PNMA1: variants seen among roughly 807,000 people sequenced by gnomAD.
PNMA1 encodes PNMA family member 1, also known as paraneoplastic antigen Ma1.
A neutral mutation model predicts 26.1 loss-of-function variants in PNMA1; 21 were observed. That is an observed-to-expected ratio of 0.80 (90% CI 0.57 to 1.16). The LOEUF (loss-of-function observed/expected upper bound fraction) is 1.16, where lower values mean the gene tolerates loss of function less well. PNMA1 is among the 50% of genes most tolerant of loss of function. PNMA1 has a pLI of 0.00. For missense variants in PNMA1, 435 were observed against 437.3 expected, an observed-to-expected ratio of 0.99 and a Z score of 0.05; for synonymous variants, 189 against 177.3, an observed-to-expected ratio of 1.07 and a Z score of -0.52.
chr14:73,713,579 G>C lies in PNMA1; in HGVS notation c.61C>G (p.Leu21Val), dbSNP rs768781355. ...RGMDVNSQRA[L>V]LVWGIPVNCD... is the part of the protein sequence containing the mutation. Reference sequence around the variant, plus strand: ...TTCACTGGGATGCCCCAGACTAACAGAGCTCTCTGGGAGTTCACATCCATC... The same window carrying C: ...TTCACTGGGATGCCCCAGACTAACACAGCTCTCTGGGAGTTCACATCCATC... The change falls in exon 1 of 1, where the codon CTG becomes GTG. Residue 21 changes from leucine (L) to valine (V), a missense_variant. Coordinates refer to ENST00000316836, the MANE Select transcript of PNMA1 (RefSeq NM_006029.5). 3 of 1,613,824 alleles carry C rather than the reference G, an allele frequency of 1.9e-6. No homozygotes were observed. Among genetic ancestry groups the C allele is most frequent in the Admixed American group, 3.3e-5 (2 of 59,994 alleles).
In PNMA1 at chr14:73,713,767, AACAAAG is replaced by A. The variant is rs900004323; in HGVS notation, c.-134_-129del. ...AGGCGACCTTCATGCAGTCACGATT[AACAAAG>A]ACAGAGTCCTGATCTCGCCCTTCTC... On this transcript the variant is annotated 5_prime_UTR_variant, in exon 1 of 1. Transcript: ENST00000316836. 7.1e-6 allele frequency: 6 copies of A among 840,044 alleles called. No homozygotes were observed. The highest frequency in any genetic ancestry group is 1.2e-5 in the Non-Finnish European group (6 of 521,562). The allele number at this position is 840,044 out of a possible 1,614,324, so 52.0% of individuals were successfully genotyped here.
In PNMA1 at chr14:73,713,378, A is replaced by G; in HGVS notation, c.262T>C (p.Trp88Arg). ...PREMPGKGGV[W>R]KVLFKPPTSD... The stretch of plus-strand genomic sequence containing the variant: ...GTTGGGGGCTTAAATAACACTTTCC[A>G]GACCCCTCCTTTGCCCGGCATCTCC... Residue 88 changes from tryptophan (W) to arginine (R), a missense_variant, in exon 1 of 1, where the codon TGG (tryptophan) becomes CGG (arginine). Trp to Arg is a moderately radical substitution (Grantham distance 101). Coordinates refer to ENST00000316836, the MANE Select transcript of PNMA1 (RefSeq NM_006029.5). The G allele has an allele frequency of 5.6e-6, 9 of 1,614,170 alleles. 1 individual carries two copies. The highest frequency in any genetic ancestry group is 2.2e-5 in the South Asian group (2 of 91,086).
Position 73,712,503 on chromosome 14 carries a change from A to T in PNMA1, c.*75T>A. On this transcript the variant is annotated 3_prime_UTR_variant, in exon 1 of 1. Coordinates refer to ENST00000316836, the MANE Select transcript of PNMA1 (RefSeq NM_006029.5). ...GGCTAAGCCTTTACTACTCAGAGAC[A>T]CATCTGTAAGACCCCACAGGGACAA... The T allele has an allele frequency of 9.9e-7, 1 of 1,006,062 alleles. No homozygotes were observed. Among genetic ancestry groups the T allele is most frequent in the Non-Finnish European group, 1.5e-6 (1 of 678,448 alleles). 62.3% of individuals were successfully genotyped at this position (1,006,062 alleles called of 1,614,324 possible).
rs762586976 is a variant in PNMA1 at position 73,713,042 on chromosome 14, G to T, written c.598C>A (p.Arg200=). 2 of 1,613,764 alleles carry T rather than the reference G, an allele frequency of 1.2e-6. No individual in the cohort carries two copies. The highest frequency in any genetic ancestry group is 1.7e-6 in the Non-Finnish European group (2 of 1,180,008). Residue 200 remains arginine (R), a synonymous_variant, in exon 1 of 1, where the codon CGG becomes AGG. Coordinates refer to ENST00000316836, the MANE Select transcript of PNMA1 (RefSeq NM_006029.5). ...EWQVSDVEKR[R]RLMESLRGPA... ...CCTCTAAGACTCTCCATCAACCGCC[G>T]CCTCTTTTCTACATCGGACACCTGC...
rs749401673 is a variant in PNMA1, at chr14:73,713,434, G to A, written c.206C>T (p.Thr69Ile). 8 of 1,614,206 alleles carry A rather than the reference G, an allele frequency of 5.0e-6. No individual in the cohort carries two copies. Among genetic ancestry groups the A allele is most frequent in the Non-Finnish European group, 6.8e-6 (8 of 1,180,036 alleles). Residue 69 changes from threonine (T) to isoleucine (I), a missense_variant, in exon 1 of 1, where the codon ACT becomes ATT. By Grantham distance (89) the Thr-to-Ile change is moderately conservative. Coordinates refer to ENST00000316836, the MANE Select transcript of PNMA1 (RefSeq NM_006029.5). ...ENAKAALLEL[T>I]GAVDYAAIPR... The stretch of plus-strand genomic sequence containing the variant: ...GATCGCGGCGTAATCTACAGCGCCA[G>A]TGAGCTCTAATAAGGCTGCTTTCGC...
chr14:73,712,987 T>G lies in PNMA1; in HGVS notation c.653A>C (p.Lys218Thr). 1.2e-6 allele frequency: 2 copies of G among 1,614,216 alleles called. No individual in the cohort carries two copies. Among genetic ancestry groups the G allele is most frequent in the Non-Finnish European group, 1.7e-6 (2 of 1,180,052 alleles). Residue 218 changes from lysine to threonine, a missense_variant, in exon 1 of 1, where the codon AAG becomes ACG. Coordinates refer to ENST00000316836, the MANE Select transcript of PNMA1 (RefSeq NM_006029.5). ...AGTGGTTATCGCGGGGTTGTTGGAC[T>G]TAAGGATGCGAATAACATCAGCGGC... ...GPAADVIRILKSNNPAITTAE... is the reference protein window; with the variant it reads ...GPAADVIRILTSNNPAITTAE...
chr14:73,712,597 C>A lies in PNMA1; in HGVS notation c.1043G>T (p.Gly348Val). 1 of 1,603,798 alleles carries A rather than the reference C, an allele frequency of 6.2e-7. No individual in the cohort carries two copies. Among genetic ancestry groups the A allele is most frequent in the Non-Finnish European group, 8.5e-7 (1 of 1,174,940 alleles). Residue 348 changes from glycine to valine, a missense_variant, in exon 1 of 1, where the codon GGC becomes GTC. Gly to Val is a moderately radical substitution (Grantham distance 109). Transcript: ENST00000316836. Reference sequence around the variant, plus strand: ...TGGCACTCAGAAGTGCCCTTCCAGGCCTAACTGCAGAAGGGTGGCCTCAGC... The same window carrying A: ...TGGCACTCAGAAGTGCCCTTCCAGGACTAACTGCAGAAGGGTGGCCTCAGC... ...EEAEATLLQL[G>V]LEGHF
chr14:73,713,838 C>A lies in PNMA1; in HGVS notation c.-199G>T, dbSNP rs1358659215. 6 of 494,944 alleles carry A rather than the reference C, an allele frequency of 1.2e-5. No homozygotes were observed. The highest frequency in any genetic ancestry group is 5.8e-5 in the African/African-American group (3 of 51,932). 30.7% of individuals were successfully genotyped at this position (494,944 alleles called of 1,614,324 possible). A position where few individuals can be genotyped will look rare whatever the true frequency, so the allele number is the denominator to read the frequency against. ...GTCCGTAGGTGCACTCGGAGCCGAG[C>A]TCGGGGACGCTGAGGCAGTCACGCG... On this transcript the variant is annotated 5_prime_UTR_variant, in exon 1 of 1. Coordinates refer to ENST00000316836, the MANE Select transcript of PNMA1 (RefSeq NM_006029.5).
rs1461907293 is a variant in PNMA1 at position 73,713,029 on chromosome 14, T to C, written c.611A>G (p.Glu204Gly). Reference protein sequence around the residue: ...SDVEKRRRLMESLRGPAADVI... With the variant: ...SDVEKRRRLMGSLRGPAADVI... The stretch of plus-strand genomic sequence containing the variant: ...ATCAGCGGCGGGGCCTCTAAGACTC[T>C]CCATCAACCGCCGCCTCTTTTCTAC... The change falls in exon 1 of 1, where the codon GAG becomes GGG. Residue 204 changes from glutamate (E) to glycine (G), a missense_variant. By Grantham distance (98) the Glu-to-Gly change is moderately conservative. Transcript: ENST00000316836. 1 of 1,613,888 alleles carries C rather than the reference T, an allele frequency of 6.2e-7. No individual in the cohort carries two copies.
rs2052846758 is a variant in PNMA1 at position 73,714,038 on chromosome 14, C to A, written c.-399G>T. 1.1e-5 allele frequency: 2 copies of A among 174,736 alleles called. No individual in the cohort carries two copies. The highest frequency in any genetic ancestry group is 4.8e-5 in the African/African-American group (2 of 41,802). 10.8% of individuals were successfully genotyped at this position (174,736 alleles called of 1,614,324 possible). The stretch of plus-strand genomic sequence containing the variant: ...CGTGGCCGCCGGGCGCTCGCTGCGG[C>A]TCCTGGAGAGGATCGGGCGTTCGCG... On this transcript the variant is annotated 5_prime_UTR_variant, in exon 1 of 1. Transcript: ENST00000316836.
chr14:73,713,918 A>AG lies in PNMA1; in HGVS notation c.-280dup. ...TCCGGTCGGGTCCGCCGCCTGCAGCAGGGGCGTCGCGTCGTCGTGCAGCGG... is the reference window on the plus strand; with the variant it reads ...TCCGGTCGGGTCCGCCGCCTGCAGCAGGGGGCGTCGCGTCGTCGTGCAGCGG... On this transcript the variant is annotated 5_prime_UTR_variant, in exon 1 of 1. Transcript: ENST00000316836. 6.5e-6 allele frequency: 2 copies of AG among 309,084 alleles called. No individual in the cohort carries two copies. Among genetic ancestry groups the AG allele is most frequent in the Non-Finnish European group, 6.0e-6 (1 of 165,624 alleles). The allele number at this position is 309,084 out of a possible 1,614,324, so 19.1% of individuals were successfully genotyped here.
rs1184449688 is a variant in PNMA1, at chr14:73,711,793, A to G, written c.*785T>C. 1 of 152,224 alleles carries G rather than the reference A, an allele frequency of 6.6e-6. No homozygotes were observed. The highest frequency in any genetic ancestry group is 1.5e-5 in the Non-Finnish European group (1 of 68,044). The allele number at this position is 152,224 out of a possible 1,614,324, so 9.4% of individuals were successfully genotyped here. A position where few individuals can be genotyped will look rare whatever the true frequency, so the allele number is the denominator to read the frequency against. On this transcript the variant is annotated 3_prime_UTR_variant, in exon 1 of 1. Transcript: ENST00000316836. ...AATGAGAAGACAACAGAATTTTTAA[A>G]ATATTTTAATTTGTATATATAACTT...
Position 73,713,702 on chromosome 14 carries a change from TAGAACAATACC to T in PNMA1, c.-74_-64del, listed in dbSNP as rs2052842458. On this transcript the variant is annotated 5_prime_UTR_variant, in exon 1 of 1. It removes the in-frame stop codon of an upstream open reading frame in the 5' UTR. Coordinates refer to ENST00000316836, the MANE Select transcript of PNMA1 (RefSeq NM_006029.5). ...CTGTGGCTCACCGTGCTCCTGGCCT[TAGAACAATACC>T]AGACACTCCCACCAAGTAGGCCCGA... 9.5e-6 allele frequency: 14 copies of T among 1,480,066 alleles called. No homozygotes were observed. Among genetic ancestry groups the T allele is most frequent in the Non-Finnish European group, 1.8e-6 (2 of 1,087,478 alleles). 91.7% of individuals were successfully genotyped at this position (1,480,066 alleles called of 1,614,324 possible).
At position 73,713,337 on chromosome 14, in the gene PNMA1, A is replaced by T; in HGVS notation, c.303T>A (p.Phe101Leu). ...LFKPPTSDAEFLERLHLFLAR... is the reference protein window; with the variant it reads ...LFKPPTSDAELLERLHLFLAR... ...CTAGGAAGAGGTGCAATCTTTCTAA[A>T]AATTCAGCATCAGAAGTTGGGGGCT... The change falls in exon 1 of 1, where the codon TTT (phenylalanine) becomes TTA (leucine). Residue 101 changes from phenylalanine to leucine, a missense_variant. Phe to Leu is a conservative substitution (Grantham distance 22, BLOSUM62 0). Transcript: ENST00000316836. 6.2e-7 allele frequency: 1 copy of T among 1,614,156 alleles called. No individual in the cohort carries two copies.
At position 73,713,278 on chromosome 14, in the gene PNMA1, C is replaced by T. The variant is rs1466966740; in HGVS notation, c.362G>A (p.Arg121His). 1 of 1,614,124 alleles carries T rather than the reference C, an allele frequency of 6.2e-7. No homozygotes were observed. The highest frequency in any genetic ancestry group is 1.3e-5 in the African/African-American group (1 of 75,042). The change falls in exon 1 of 1, where the codon CGT (arginine) becomes CAT (histidine). Residue 121 changes from arginine (R) to histidine (H), a missense_variant. Coordinates refer to ENST00000316836, the MANE Select transcript of PNMA1 (RefSeq NM_006029.5). ...AGTAGGGTTCTGAAACCCAAGGACA[C>T]GGGCAACATCTTGCACGGTCCACCC... ...REGWTVQDVA[R>H]VLGFQNPTPT... is the part of the protein sequence containing the mutation.
rs2140081899 is a variant in PNMA1, at chr14:73,714,195, G to A, written c.-556C>T. On this transcript the variant is annotated 5_prime_UTR_variant, in exon 1 of 1. Transcript: ENST00000316836. The stretch of plus-strand genomic sequence containing the variant: ...TCTTGGCGGGCGCGGGGACTCCTCT[G>A]GGCGGGCGGCGAGGACGGCCGAGGA... 5.9e-6 allele frequency: 1 copy of A among 168,268 alleles called. No individual in the cohort carries two copies. Among genetic ancestry groups the A allele is most frequent in the South Asian group, 2.1e-4 (1 of 4,834 alleles). 10.4% of individuals were successfully genotyped at this position (168,268 alleles called of 1,614,324 possible). A position where few individuals can be genotyped will look rare whatever the true frequency, so the allele number is the denominator to read the frequency against.
chr14:73,712,932 C>CA lies in PNMA1; in HGVS notation c.707dup (p.Phe237ValfsTer5). ...CCCTAGAGCTCTCAACGCTCCCAAA[C>CA]ACCTGCTCAAGCGCCTTCAGGCATT... On this transcript the variant is annotated frameshift_variant, in exon 1 of 1. Coordinates refer to ENST00000316836, the MANE Select transcript of PNMA1 (RefSeq NM_006029.5). LOFTEE classifies it high-confidence loss of function. 1 of 1,614,248 alleles carries CA rather than the reference C, an allele frequency of 6.2e-7. No homozygotes were observed.
Position 73,713,570 on chromosome 14 carries a change from A to T in PNMA1, c.70T>A (p.Trp24Arg). The part of the protein sequence containing the change: ...DVNSQRALLV[W>R]GIPVNCDEAE... ...TCATCACAGTTCACTGGGATGCCCC[A>T]GACTAACAGAGCTCTCTGGGAGTTC... Residue 24 changes from tryptophan to arginine, a missense_variant, in exon 1 of 1, where the codon TGG becomes AGG. Physicochemically the swap from Trp to Arg is moderately radical, Grantham distance 101 (BLOSUM62 -3). Transcript: ENST00000316836. 6.2e-7 allele frequency: 1 copy of T among 1,614,132 alleles called. No individual in the cohort carries two copies. The highest frequency in any genetic ancestry group is 1.1e-5 in the South Asian group (1 of 91,088).
At position 73,713,375 on chromosome 14, in the gene PNMA1, T is replaced by G. The variant is rs185130714; in HGVS notation, c.265A>C (p.Lys89Gln). The change falls in exon 1 of 1, where the codon AAA (lysine) becomes CAA (glutamine). Residue 89 changes from lysine (K) to glutamine (Q), a missense_variant. Physicochemically the swap from Lys to Gln is moderately conservative, Grantham distance 53. Transcript: ENST00000316836. ...REMPGKGGVWKVLFKPPTSDA... is the reference protein window; with the variant it reads ...REMPGKGGVWQVLFKPPTSDA... The stretch of plus-strand genomic sequence containing the variant: ...GAAGTTGGGGGCTTAAATAACACTT[T>G]CCAGACCCCTCCTTTGCCCGGCATC... The G allele has an allele frequency of 2.7e-5, 44 of 1,614,108 alleles. No individual in the cohort carries two copies. The Admixed American group carries it at 3.7e-4, about 13-fold the overall frequency.
Sources: allele counts gnomAD v4.1 joint callset, GRCh38; gene constraint gnomAD v4.1.1; transcripts MANE v1.5; gene names NCBI Gene and HGNC (gene_info 2026-07-23, HGNC 2026-07-21).